BICC1: variants seen among roughly 807,000 people sequenced by gnomAD.
BICC1 encodes protein bicaudal C homolog 1.
In BICC1, 43 loss-of-function variants were observed where a neutral mutation model predicts 111.0. The observed-to-expected ratio is 0.39, with a 90% CI of 0.30 to 0.50. The LOEUF (loss-of-function observed/expected upper bound fraction) is 0.50. Ranked by LOEUF, BICC1 falls within the 20% of genes least tolerant of loss-of-function variation. The pLI is 0.88. For synonymous variants in BICC1, 467 were observed against 434.4 expected, an observed-to-expected ratio of 1.07 and a Z score of -0.93; for missense variants, 1,091 against 1,203.2, an observed-to-expected ratio of 0.91 and a Z score of 1.38.
At chr10:58,715,496 C>T (rs1840711313) in intron 3 of BICC1, 14 of 993,782 alleles carry the variant, frequency 1.4e-5, no homozygotes, top group South Asian at 1.0e-4. Context: ...AGGCCCTCTT[C>T]GGCCATCTCT....
At chr10:58,668,638 T>A (rs944202086) in intron 2 of BICC1, among the ~76,000 whole-genome samples, 19 of 152,126 alleles carry the variant, frequency 1.2e-4, no homozygotes, top group African/African-American at 4.3e-4. Flanking sequence ...AACAGAGAGT[T>A]CTGGTGTTGG....
intron 18 of BICC1, among the ~76,000 whole-genome samples, chr10:58,814,604 G>A (rs1490022176): frequency 2.2e-5 from 3 of 134,732 alleles, no homozygotes; most frequent in Admixed American, 8.0e-5. Context: ...AACATAGTGA[G>A]ATTTCATCTC....
chr10:58,662,023 A>G (rs1012138599), intron 2 of BICC1, among the ~76,000 whole-genome samples: 1 of 152,204 alleles, frequency 6.6e-6, no homozygotes, highest in Non-Finnish European at 1.5e-5. Flanking sequence ...TTATGTTCTA[A>G]ATTTCCATGT....
intron 3 of BICC1, among the ~76,000 whole-genome samples, chr10:58,725,601 A>C (rs1206681577): frequency 6.6e-6 from 1 of 152,192 alleles, no homozygotes; most frequent in Non-Finnish European, 1.5e-5. Context: ...ATTACACAGC[A>C]TGTGTTTTTG....
At chr10:58,771,505 T>A (rs896841409) in intron 3 of BICC1, among the ~76,000 whole-genome samples, 1 of 152,060 alleles carries the variant, frequency 6.6e-6, no homozygotes, top group African/African-American at 2.4e-5. Flanking sequence ...GAACAAGCAG[T>A]GTCACGGGAA....
intron 20 of BICC1, among the ~76,000 whole-genome samples, chr10:58,826,404 A>T (rs1197551068): frequency 6.6e-6 from 1 of 152,200 alleles, no homozygotes; most frequent in African/African-American, 2.4e-5. Flanking sequence ...TTTTTAATGC[A>T]GATGTAAGTG....
Position 58,513,324 on chromosome 10 carries a change from A to C in BICC1, c.181A>C (p.Met61Leu). The change falls in exon 1 of 21, where the codon ATG becomes CTG. Residue 61 changes from methionine (M) to leucine (L), a missense_variant. Transcript: ENST00000373886. ...FRVDRKKLEA[M>L]LQAAAEGKGR... is the part of the protein sequence containing the mutation. ...CGTGGACAGGAAGAAACTTGAGGCCATGTTACAAGGTAGGCATCCCTCGTG... is the reference window on the plus strand; with the variant it reads ...CGTGGACAGGAAGAAACTTGAGGCCCTGTTACAAGGTAGGCATCCCTCGTG... 4 of 1,606,730 alleles carry C rather than the reference A, an allele frequency of 2.5e-6. No individual in the cohort carries two copies. Among genetic ancestry groups the C allele is most frequent in the Non-Finnish European group, 3.4e-6 (4 of 1,175,480 alleles).
chr10:58,572,378 A>G (rs1172471930), intron 1 of BICC1, among the ~76,000 whole-genome samples: 3 of 152,014 alleles, frequency 2.0e-5, no homozygotes, highest in Non-Finnish European at 4.4e-5. Context: ...CGTCTTCATC[A>G]TTAAATATTT....
At chr10:58,590,279 C>T (rs1371285479) in intron 1 of BICC1, among the ~76,000 whole-genome samples, 1 of 152,158 alleles carries the variant, frequency 6.6e-6, no homozygotes, top group African/African-American at 2.4e-5. Flanking sequence ...TAGCTATGCG[C>T]AGTCTGGCCT....
intron 1 of BICC1, among the ~76,000 whole-genome samples, chr10:58,585,508 A>G (rs1307040255): frequency 5.3e-5 from 8 of 152,164 alleles, no homozygotes; most frequent in African/African-American, 2.4e-5. Context: ...ATAAATTGAG[A>G]ACTATTTTCT....
At chr10:58,816,505 A>C (rs1422430408) in intron 18 of BICC1, among the ~76,000 whole-genome samples, 2 of 152,150 alleles carry the variant, frequency 1.3e-5, no homozygotes, top group African/African-American at 4.8e-5. Context: ...CAACTGGAGA[A>C]AGTGATCAAT....
At chr10:58,542,700 C>T (rs1008099515) in intron 1 of BICC1, among the ~76,000 whole-genome samples, 8 of 151,742 alleles carry the variant, frequency 5.3e-5, no homozygotes, top group South Asian at 2.1e-4. Context: ...GCAAAGGACT[C>T]GAATATATCA....
intron 2 of BICC1, among the ~76,000 whole-genome samples, chr10:58,636,167 A>C (rs534890139): frequency 4.6e-5 from 7 of 152,326 alleles, no homozygotes; most frequent in African/African-American, 1.7e-4. Context: ...GGGACCTTAA[A>C]GATTTCCTAG....
At chr10:58,571,746 G>A (rs1484176507) in intron 1 of BICC1, among the ~76,000 whole-genome samples, 2 of 152,054 alleles carry the variant, frequency 1.3e-5, no homozygotes, top group Admixed American at 1.3e-4. Context: ...TCATTGACGG[G>A]CATTTAGGTT....
chr10:58,810,776 T>C (rs1843876911), intron 17 of BICC1, among the ~76,000 whole-genome samples: 2 of 152,164 alleles, frequency 1.3e-5, no homozygotes, highest in Non-Finnish European at 2.9e-5. Flanking sequence ...ATTTTTAAGT[T>C]GGAGAGTAGC....
rs1333623812 is a variant in BICC1, at chr10:58,806,918, T to C, written c.2222-86T>C. 3 of 1,219,634 alleles carry C rather than the reference T, an allele frequency of 2.5e-6. No homozygotes were observed. In the African/African-American group the frequency reaches 4.6e-5, roughly 19 times the overall value. 75.6% of individuals were successfully genotyped at this position (1,219,634 alleles called of 1,614,324 possible). ...CATTCAGTGATAATTTCTTCACATA[T>C]ATCAAAGAAACGACACTTATCATCA... On this transcript the variant is annotated intron_variant, in intron 16 of 20. Coordinates refer to ENST00000373886, the MANE Select transcript of BICC1 (RefSeq NM_001080512.3).
At chr10:58,561,129 G>GT (rs1467053594) in intron 1 of BICC1, among the ~76,000 whole-genome samples, 1 of 151,942 alleles carries the variant, frequency 6.6e-6, no homozygotes, top group East Asian at 1.9e-4. Flanking sequence ...TGACAGTAGA[G>GT]TGTTGAAGTC....
At chr10:58,824,358 C>T (rs1257477851) in intron 20 of BICC1, among the ~76,000 whole-genome samples, 1 of 152,180 alleles carries the variant, frequency 6.6e-6, no homozygotes, top group Admixed American at 6.5e-5. Flanking sequence ...ATGTAAAGTG[C>T]TTGTCATACA....
chr10:58,590,775 G>C (rs936104010), intron 1 of BICC1, among the ~76,000 whole-genome samples: 1 of 152,062 alleles, frequency 6.6e-6, no homozygotes, highest in African/African-American at 2.4e-5. Flanking sequence ...AGTTTTATAG[G>C]TATTTTAGAT....
Sources: allele counts gnomAD v4.1 joint callset (sites outside exome capture counted in the v4.1 genomes callset), GRCh38; gene constraint gnomAD v4.1.1; transcripts MANE v1.5; gene names NCBI Gene and HGNC (gene_info 2026-07-23, HGNC 2026-07-21).